Variants in COG6 observed in about 807,000 individuals in gnomAD.
COG6 encodes component of oligomeric golgi complex 6, also known as conserved oligomeric Golgi complex subunit 6.
COG6 carries 74 observed loss-of-function variants against 88.8 expected under a neutral mutation model. The observed-to-expected ratio is 0.83, with a 90% CI of 0.69 to 1.01. The LOEUF (loss-of-function observed/expected upper bound fraction) is 1.01. Ranked by LOEUF, COG6 falls within the 50% of genes least tolerant of loss-of-function variation. COG6 has a pLI of 0.00. For missense variants in COG6, 800 were observed against 797.9 expected (o/e 1.00, Z -0.03); for synonymous variants, 286 against 278.7 (o/e 1.03, Z -0.26).
intron 18 of COG6, among the ~76,000 whole-genome samples, chr13:39,772,417 G>A (rs546530180): frequency 8.5e-5 from 13 of 152,226 alleles, no homozygotes; most frequent in Non-Finnish European, 1.9e-4. Context: ...AAGCCAAACA[G>A]ACATGATTCC....
chr13:39,712,733 T>C (rs1343542319), intron 13 of COG6, among the ~76,000 whole-genome samples: 1 of 152,228 alleles, frequency 6.6e-6, no homozygotes, highest in Non-Finnish European at 1.5e-5. Flanking sequence ...TTTGTATCCA[T>C]TCATTCACAT....
chr13:39,683,458 T>C (rs1876438880), intron 8 of COG6, among the ~76,000 whole-genome samples: 1 of 152,200 alleles, frequency 6.6e-6, no homozygotes, highest in Admixed American at 6.5e-5. Context: ...ATAATGCACC[T>C]TTGGGAAATT....
At chr13:39,681,286 A>G (rs893460335) in intron 7 of COG6, among the ~76,000 whole-genome samples, 3 of 151,754 alleles carry the variant, frequency 2.0e-5, no homozygotes, top group African/African-American at 7.2e-5. Flanking sequence ...TTGTTTTTCT[A>G]CCTCTCTCCT....
chr13:39,668,884 A>G (rs533660689), intron 4 of COG6, among the ~76,000 whole-genome samples: 1 of 152,250 alleles, frequency 6.6e-6, no homozygotes, highest in African/African-American at 2.4e-5. Context: ...GAACTATAGT[A>G]TGGTACCACA....
chr13:39,700,222 G>A (rs1193138213), intron 13 of COG6, among the ~76,000 whole-genome samples: 3 of 151,790 alleles, frequency 2.0e-5, no homozygotes, highest in Non-Finnish European at 1.5e-5. Context: ...GAGAACATGA[G>A]TTTTTCAAGG....
At chr13:39,696,780 G>T (rs1158105831) in intron 12 of COG6, among the ~76,000 whole-genome samples, 1 of 151,308 alleles carries the variant, frequency 6.6e-6, no homozygotes, top group Non-Finnish European at 1.5e-5. Context: ...GGTTACTCTG[G>T]ATATTCTGTG....
intron 1 of COG6, among the ~76,000 whole-genome samples, chr13:39,658,747 G>A (rs1167114249): frequency 6.6e-6 from 1 of 152,104 alleles, no homozygotes; most frequent in Non-Finnish European, 1.5e-5. Flanking sequence ...ACTGGCTGTT[G>A]CCTACACTGA....
At chr13:39,786,896 A>G (rs994471483) in intron 18 of COG6, among the ~76,000 whole-genome samples, 9 of 152,238 alleles carry the variant, frequency 5.9e-5, no homozygotes, top group Admixed American at 4.6e-4. Context: ...CCCATCCATA[A>G]TACAATAACT....
Position 39,660,882 on chromosome 13 carries a change from G to T in COG6, c.369+1G>T. On this transcript the variant is annotated splice_donor_variant, in intron 3 of 18. Transcript: ENST00000455146. LOFTEE classifies it high-confidence loss of function. ...TCAAGATATGACAAGTCGCCTACAG[G>T]TATTATATAATGGCTAGATTTTGGC... The T allele has an allele frequency of 6.4e-7, 1 of 1,570,100 alleles. No individual in the cohort carries two copies. The highest frequency in any genetic ancestry group is 8.8e-7 in the Non-Finnish European group (1 of 1,141,254).
At position 39,752,190 on chromosome 13, in the gene COG6, G is replaced by A. The variant is rs1880677217; in HGVS notation, c.*1097G>A. 5.3e-6 allele frequency: 6 copies of A among 1,135,712 alleles called. No homozygotes were observed. The highest frequency in any genetic ancestry group is 6.8e-6 in the Non-Finnish European group (6 of 887,920). 70.4% of individuals were successfully genotyped at this position (1,135,712 alleles called of 1,614,324 possible). ...CTAGTAAATCTATAAAAATGGGTAA[G>A]TCCCTAAATTACAAATGAGAAAATT... On this transcript the variant is annotated 3_prime_UTR_variant, in exon 19 of 19. Coordinates refer to ENST00000455146, the MANE Select transcript of COG6 (RefSeq NM_020751.3).
chr13:39,682,224 C>G lies in COG6; in HGVS notation c.748C>G (p.Gln250Glu), dbSNP rs759615008. Residue 250 changes from glutamine (Q) to glutamate (E), a missense_variant, in exon 8 of 19, where the codon CAG (glutamine) becomes GAG (glutamate). Coordinates refer to ENST00000455146, the MANE Select transcript of COG6 (RefSeq NM_020751.3). ...ESCDVSPVLT[Q>E]AMEALQDRPV... The stretch of plus-strand genomic sequence containing the variant: ...ATGTGACGTATCTCCAGTATTGACA[C>G]AGGCAATGGAAGCCCTGCAGGACAG... The G allele has an allele frequency of 6.2e-7, 1 of 1,612,726 alleles. No individual in the cohort carries two copies. Among genetic ancestry groups the G allele is most frequent in the Non-Finnish European group, 8.5e-7 (1 of 1,178,860 alleles).
intron 12 of COG6, among the ~76,000 whole-genome samples, chr13:39,695,384 A>G (rs1877219620): frequency 6.6e-6 from 1 of 151,874 alleles, no homozygotes; most frequent in Non-Finnish European, 1.5e-5. Context: ...CGTGAGTTTT[A>G]TTATAACTCT....
At chr13:39,746,495 A>AT (rs1484607347) in intron 18 of COG6, among the ~76,000 whole-genome samples, 1 of 152,202 alleles carries the variant, frequency 6.6e-6, no homozygotes, top group Non-Finnish European at 1.5e-5. Flanking sequence ...TGATAAGGAC[A>AT]TTCCCAACTT....
intron 15 of COG6, among the ~76,000 whole-genome samples, chr13:39,721,656 G>A (rs1010987675): frequency 6.6e-6 from 1 of 152,126 alleles, no homozygotes; most frequent in African/African-American, 2.4e-5. Context: ...ATACAAAGGT[G>A]TGGATATGTG....
chr13:39,683,425 A>G (rs116941784), intron 8 of COG6, among the ~76,000 whole-genome samples: 1,759 of 152,306 alleles, frequency 0.012, 12 homozygotes, highest in Non-Finnish European at 0.019. Context: ...AGGGAACAGT[A>G]ATGCAAAGAT....
intron 18 of COG6, among the ~76,000 whole-genome samples, chr13:39,760,990 T>C (rs4943696): frequency 0.42 from 63,289 of 151,448 alleles, 13,599 homozygotes; most frequent in Admixed American, 0.57. Context: ...GGCTTTCTGC[T>C]GTTCCACAAA....
chr13:39,759,186 G>T (rs746482971), intron 18 of COG6, among the ~76,000 whole-genome samples: 1 of 152,160 alleles, frequency 6.6e-6, no homozygotes, highest in Non-Finnish European at 1.5e-5. Flanking sequence ...CCACTGGATT[G>T]TGCTCTTTTT....
At chr13:39,781,976 A>T (rs931205761) in intron 18 of COG6, among the ~76,000 whole-genome samples, 3 of 152,194 alleles carry the variant, frequency 2.0e-5, no homozygotes, top group Non-Finnish European at 4.4e-5. Context: ...TTGGGTTCTT[A>T]ACTTACAATG....
In COG6 at chr13:39,752,176, A is replaced by G. The variant is rs1880676488; in HGVS notation, c.*1083A>G. ...AAAAAACTTAATTTCTAGTAAATCT[A>G]TAAAAATGGGTAAGTCCCTAAATTA... is the stretch of plus-strand genomic sequence containing the variant. On this transcript the variant is annotated 3_prime_UTR_variant, in exon 19 of 19. Coordinates refer to ENST00000455146, the MANE Select transcript of COG6 (RefSeq NM_020751.3). 2 of 1,165,458 alleles carry G rather than the reference A, an allele frequency of 1.7e-6. No individual in the cohort carries two copies. Among genetic ancestry groups the G allele is most frequent in the Non-Finnish European group, 2.2e-6 (2 of 907,158 alleles). 72.2% of individuals were successfully genotyped at this position (1,165,458 alleles called of 1,614,324 possible). A position where few individuals can be genotyped will look rare whatever the true frequency, so the allele number is the denominator to read the frequency against.
Sources: allele counts gnomAD v4.1 joint callset (sites outside exome capture counted in the v4.1 genomes callset), GRCh38; gene constraint gnomAD v4.1.1; transcripts MANE v1.5; gene names NCBI Gene and HGNC (gene_info 2026-07-23, HGNC 2026-07-21).